Variants in ULK4 observed in about 807,000 individuals in gnomAD.
The protein encoded by ULK4 is unc-51 like kinase 4, also known as inactive serine/threonine-protein kinase ULK4.
A neutral mutation model predicts 160.6 loss-of-function variants in ULK4; 133 were observed. The observed-to-expected ratio is 0.83, with a 90% confidence interval of 0.72 to 0.96. The LOEUF is 0.96. Ranked by LOEUF, ULK4 falls within the 40% of genes least tolerant of loss-of-function variation. ULK4 has a pLI of 0.00. For missense variants in ULK4, 1,580 were observed against 1,499.5 expected (o/e 1.05, Z -0.89); for synonymous variants, 534 against 539.8 (o/e 0.99, Z 0.15).
chr3:41,931,799 T>C (rs780791025), intron 5 of ULK4, 45 bp downstream of exon 5: 2 of 1,605,008 alleles, frequency 1.2e-6, no homozygotes, highest in East Asian at 2.2e-5. Context: ...ACTTGGATGG[T>C]CCACAACTAG....
intron 15 of ULK4, 130 bp from the exon 16 acceptor site, chr3:41,895,694 T>C (rs1698128499): frequency 2.4e-6 from 1 of 416,936 alleles, no homozygotes; most frequent in African/African-American, 2.1e-5. Context: ...ACACCAAAAA[T>C]GGTATTTACT....
intron 35 of ULK4, among the ~76,000 whole-genome samples, chr3:41,366,147 C>T (rs779749470): frequency 2.0e-5 from 3 of 152,212 alleles, no homozygotes; most frequent in Non-Finnish European, 4.4e-5. Context: ...GGTGTTCGTT[C>T]AGCTCCCCAT....
At chr3:41,291,021 G>T (rs1374215632) in intron 35 of ULK4, among the ~76,000 whole-genome samples, 1 of 152,192 alleles carries the variant, frequency 6.6e-6, no homozygotes, top group African/African-American at 2.4e-5. Flanking sequence ...CTCCTCCTGA[G>T]AATTCAGTGG....
intron 12 of ULK4, among the ~76,000 whole-genome samples, chr3:41,902,079 G>C (rs1698389949): frequency 6.6e-6 from 1 of 152,078 alleles, no homozygotes. Flanking sequence ...AAAAAAGAGA[G>C]AGAGAATTTA....
Position 41,829,958 on chromosome 3 carries a change from A to G in ULK4, c.1764+5906T>C, listed in dbSNP as rs2041518766. 2.6e-5 allele frequency among the ~76,000 whole-genome samples: 4 copies of G among 151,934 alleles called. No homozygotes were observed. The South Asian group carries it at 8.3e-4, about 32-fold the overall frequency. ...TGGTACATATACACCATGGAATACT[A>G]TGCAGCCATAAAAAATGATGAGTTC... On this transcript the variant is annotated intron_variant, in intron 18 of 36. Coordinates refer to ENST00000301831, the MANE Select transcript of ULK4 (RefSeq NM_017886.4).
intron 32 of ULK4, among the ~76,000 whole-genome samples, chr3:41,547,581 G>A (rs2086907594): frequency 6.6e-6 from 1 of 152,160 alleles, no homozygotes; most frequent in African/African-American, 2.4e-5. Context: ...GCTGCCTGGA[G>A]TCCAGGCAAT....
intron 17 of ULK4, among the ~76,000 whole-genome samples, chr3:41,839,611 AAACT>A (rs971844276): frequency 1.9e-4 from 29 of 152,022 alleles, no homozygotes; most frequent in South Asian, 4.1e-4. Context: ...TCCTCAAAAA[AAACT>A]AACTATCACA....
chr3:41,501,365 G>A (rs1173186204), intron 32 of ULK4, among the ~76,000 whole-genome samples: 1 of 152,148 alleles, frequency 6.6e-6, no homozygotes, highest in East Asian at 1.9e-4. Context: ...AGGCATGGTG[G>A]CAGACACCTG....
At chr3:41,305,772 G>C (rs1205407070) in intron 35 of ULK4, among the ~76,000 whole-genome samples, 1 of 150,480 alleles carries the variant, frequency 6.6e-6, no homozygotes, top group Non-Finnish European at 1.5e-5. Flanking sequence ...CCTAGGAAGT[G>C]AGGAGCACCT....
intron 25 of ULK4, among the ~76,000 whole-genome samples, chr3:41,710,780 A>C (rs2037066917): frequency 2.1e-5 from 3 of 145,568 alleles, no homozygotes; most frequent in Non-Finnish European, 4.5e-5. Flanking sequence ...AGACACAGGG[A>C]GACTCTTGTC....
chr3:41,854,327 G>A (rs2042284575), intron 17 of ULK4, among the ~76,000 whole-genome samples: 1 of 152,156 alleles, frequency 6.6e-6, no homozygotes. Flanking sequence ...CATCTTTGAA[G>A]AGCTCTAAGG....
intron 16 of ULK4, among the ~76,000 whole-genome samples, chr3:41,890,069 A>G (rs1326565986): frequency 6.6e-6 from 1 of 152,248 alleles, no homozygotes; most frequent in Non-Finnish European, 1.5e-5. Context: ...GCCAACAGGA[A>G]GTAGATGAGT....
At chr3:41,829,749 A>G (rs372362676) in intron 18 of ULK4, among the ~76,000 whole-genome samples, 17 of 151,430 alleles carry the variant, frequency 1.1e-4, no homozygotes, top group East Asian at 5.8e-4. Context: ...GATTCCTCAG[A>G]GATCTAGAAC....
chr3:41,317,413 T>G (rs2080166473), intron 35 of ULK4, among the ~76,000 whole-genome samples: 1 of 152,160 alleles, frequency 6.6e-6, no homozygotes. Context: ...ACTCATTTCT[T>G]CTGATTTTTG....
chr3:41,944,438 T>TA (rs1392795066), intron 2 of ULK4, among the ~76,000 whole-genome samples: 3 of 152,166 alleles, frequency 2.0e-5, no homozygotes, highest in South Asian at 2.1e-4. Flanking sequence ...AGATCCTGTC[T>TA]AAAAAAACGT....
chr3:41,865,528 T>G (rs2042596748), intron 17 of ULK4, among the ~76,000 whole-genome samples: 1 of 152,132 alleles, frequency 6.6e-6, no homozygotes, highest in Non-Finnish European at 1.5e-5. Flanking sequence ...ATTAGCAACT[T>G]TCTGGAGTTT....
chr3:41,542,921 C>A (rs1335860979), intron 32 of ULK4, among the ~76,000 whole-genome samples: 1 of 152,034 alleles, frequency 6.6e-6, no homozygotes, highest in Non-Finnish European at 1.5e-5. Context: ...GCAAAGAGGT[C>A]TCAAGGTTCC....
chr3:41,543,324 C>T (rs2086755768), intron 32 of ULK4, among the ~76,000 whole-genome samples: 1 of 152,040 alleles, frequency 6.6e-6, no homozygotes, highest in Non-Finnish European at 1.5e-5. Context: ...AGGATATGTA[C>T]CCAAGGAGCC....
chr3:41,473,330 G>GA (rs1179013100), intron 32 of ULK4, among the ~76,000 whole-genome samples: 1 of 151,986 alleles, frequency 6.6e-6, no homozygotes, highest in Non-Finnish European at 1.5e-5. Context: ...CTTGTATGTG[G>GA]AAAACGCTAA....
Sources: gnomAD v4.1 joint callset for allele counts (sites outside exome capture counted in the v4.1 genomes callset) on GRCh38, gnomAD v4.1.1 for gene constraint, MANE v1.5 for transcripts, NCBI Gene and HGNC (gene_info 2026-07-23, HGNC 2026-07-21) for gene names.